STAB1: variants seen among roughly 807,000 people sequenced by gnomAD.
STAB1 encodes stabilin-1.
A neutral mutation model predicts 332.4 loss-of-function variants in STAB1; 250 were observed. The observed-to-expected ratio is 0.75, with a 90% CI of 0.68 to 0.84. The LOEUF is 0.84. Ranked by LOEUF, STAB1 falls within the 40% of genes least tolerant of loss-of-function variation. The pLI, the probability that STAB1 is intolerant of heterozygous loss-of-function variation, is 0.00. For missense variants in STAB1, 3,249 were observed against 3,489.7 expected, an observed-to-expected ratio of 0.93 and a Z score of 1.74; for synonymous variants, 1,475 against 1,390.4, an observed-to-expected ratio of 1.06 and a Z score of -1.35.
intron 44 of STAB1, 110 bp from the exon 45 acceptor site, chr3:52,517,771 A>G: frequency 6.3e-7 from 1 of 1,582,836 alleles, no homozygotes; most frequent in South Asian, 1.1e-5. Flanking sequence ...TCAGTAGCAA[A>G]TAGGATCTGG....
rs745558002 is a variant in STAB1 at position 52,514,213 on chromosome 3, G to A, written c.3546G>A (p.Leu1182=). ...AGGCCCAGGGCAACAGCAGTCACCTGGTGAGGCCGTGGGGATGGGGCAATG... is the reference window on the plus strand; with the variant it reads ...AGGCCCAGGGCAACAGCAGTCACCTAGTGAGGCCGTGGGGATGGGGCAATG... ...SLEAQGNSSH[L]DADTVRHHVV... Residue 1182 remains leucine (L), a splice_region_variant and synonymous_variant, in exon 33 of 69, where the codon CTG becomes CTA. Coordinates refer to ENST00000321725, the MANE Select transcript of STAB1 (RefSeq NM_015136.3). 8.1e-6 allele frequency: 13 copies of A among 1,613,074 alleles called. No homozygotes were observed. Among genetic ancestry groups the A allele is most frequent in the Non-Finnish European group, 1.0e-5 (12 of 1,179,942 alleles).
Position 52,513,204 on chromosome 3 carries a change from AC to A in STAB1, c.3237del (p.Thr1080ProfsTer150). 1 of 1,585,402 alleles carries A rather than the reference AC, an allele frequency of 6.3e-7. No individual in the cohort carries two copies. ...GGTGGGCAGGAAGTGGCCACCCTGA[AC>A]CCCACCACACGCTGGGAGATTCGCA... The part of the protein sequence containing the change: ...RLGGQEVATL[N>X]PTTRWEIRNI... On this transcript the variant is annotated frameshift_variant, in exon 30 of 69. Transcript: ENST00000321725. LOFTEE classifies it high-confidence loss of function.
In STAB1 at chr3:52,522,148, G is replaced by A. The variant is rs764065108; in HGVS notation, c.6383G>A (p.Trp2128Ter). ...TCLPDYEGDGWSCRARNPCTD... is the reference protein window; with the variant it reads ...TCLPDYEGDG ...CTGCCCGACTACGAGGGTGATGGCT[G>A]GAGCTGCCGGGCCCGCAACCCCTGC... Residue 2128 changes from tryptophan (W) to a stop codon, truncating the protein, a stop_gained, in exon 59 of 69, where the codon TGG becomes TAG. Coordinates refer to ENST00000321725, the MANE Select transcript of STAB1 (RefSeq NM_015136.3). LOFTEE classifies it high-confidence loss of function. 1 of 1,612,944 alleles carries A rather than the reference G, an allele frequency of 6.2e-7. No homozygotes were observed. Among genetic ancestry groups the A allele is most frequent in the Non-Finnish European group, 8.5e-7 (1 of 1,180,002 alleles).
At chr3:52,519,880 C>CA in intron 50 of STAB1, 64 bp from the exon 51 acceptor site, 1 of 1,506,662 alleles carries the variant, frequency 6.6e-7, no homozygotes. Flanking sequence ...GGCACAGCCC[C>CA]CTGCCTTTGC....
intron 3 of STAB1, 21 bp downstream of exon 3, chr3:52,501,774 C>G (rs1442505371): frequency 1.3e-6 from 2 of 1,546,554 alleles, no homozygotes; most frequent in African/African-American, 2.7e-5. Context: ...AAGGGGGACC[C>G]CGCCTTGCGC....
At chr3:52,504,610 C>T (rs1708708606) in intron 11 of STAB1, 61 bp downstream of exon 11, 2 of 1,611,770 alleles carry the variant, frequency 1.2e-6, no homozygotes, top group Non-Finnish European at 1.7e-6. Flanking sequence ...TGGATGCATC[C>T]CCAGTCTTCA....
chr3:52,517,263 A>G (rs896111495), intron 42 of STAB1, 57 bp from the exon 43 acceptor site: 1 of 1,498,224 alleles, frequency 6.7e-7, no homozygotes, highest in African/African-American at 1.4e-5. Flanking sequence ...GGTACAAAGG[A>G]CAGAGGAAGG....
intron 27 of STAB1, 57 bp downstream of exon 27, chr3:52,512,493 C>G: frequency 6.2e-7 from 1 of 1,611,398 alleles, no homozygotes; most frequent in South Asian, 1.1e-5. Context: ...GGAGCCCTCT[C>G]CAGCACCTCA....
At chr3:52,508,180 G>A (rs967889305) in intron 20 of STAB1, 93 bp from the exon 21 acceptor site, 36 of 1,397,592 alleles carry the variant, frequency 2.6e-5, no homozygotes, top group African/African-American at 1.9e-4. Context: ...TATCCACTCC[G>A]TCACTCTGGA....
intron 68 of STAB1, 30 bp downstream of exon 68, chr3:52,524,243 A>G (rs1272380154): frequency 6.2e-7 from 1 of 1,613,884 alleles, no homozygotes; most frequent in African/African-American, 1.3e-5. Flanking sequence ...AGTGTGGCAG[A>G]TGTGGGATGG....
intron 14 of STAB1, 24 bp from the exon 15 acceptor site, chr3:52,505,643 CT>C (rs899423650): frequency 6.2e-7 from 1 of 1,609,786 alleles, no homozygotes; most frequent in African/African-American, 1.3e-5. Context: ...ATGCAACCCC[CT>C]GAGCCTCCCT....
In STAB1 at chr3:52,512,767, G is replaced by C; in HGVS notation, c.3028-61G>C. 3 of 1,606,244 alleles carry C rather than the reference G, an allele frequency of 1.9e-6. No individual in the cohort carries two copies. In the South Asian group the frequency reaches 3.3e-5, roughly 18 times the overall value. On this transcript the variant is annotated intron_variant, in intron 28 of 68. Coordinates refer to ENST00000321725, the MANE Select transcript of STAB1 (RefSeq NM_015136.3). ...GGCAGGGCTGGAGCCTAGAGCAGGG[G>C]ATCTGAAGATGATGGCTGCCTTCCT...
intron 14 of STAB1, 118 bp downstream of exon 14, chr3:52,505,499 C>T: frequency 8.1e-7 from 1 of 1,240,766 alleles, no homozygotes; most frequent in Non-Finnish European, 1.1e-6. Flanking sequence ...GGCCTCTGCC[C>T]ATGCCCCCGT....
intron 22 of STAB1, 43 bp downstream of exon 22, chr3:52,509,364 G>A (rs372764606): frequency 4.5e-5 from 71 of 1,573,076 alleles, no homozygotes; most frequent in South Asian, 1.6e-4. Context: ...GAGAAAAAAC[G>A]TCTGCCTAAA....
intron 1 of STAB1, among the ~76,000 whole-genome samples, chr3:52,497,846 C>T (rs979518825): frequency 1.3e-5 from 2 of 152,086 alleles, no homozygotes; most frequent in Admixed American, 6.5e-5. Flanking sequence ...AAGGATATCC[C>T]GGGTAACCTG....
At position 52,521,461 on chromosome 3, in the gene STAB1, G is replaced by A. The variant is rs1419187731; in HGVS notation, c.6009G>A (p.Gly2003=). Residue 2003 remains glycine, a synonymous_variant, in exon 56 of 69, where the codon GGG becomes GGA. Coordinates refer to ENST00000321725, the MANE Select transcript of STAB1 (RefSeq NM_015136.3). ...GQCLCRSGFA[G]TACELCAPGA... is the part of the protein sequence containing the mutation. ...GTCTGTGCCGTTCAGGTTTTGCTGG[G>A]ACAGCCTGTGAACTCTGTGCTCCTG... 2.5e-6 allele frequency: 4 copies of A among 1,613,926 alleles called. No homozygotes were observed. Among genetic ancestry groups the A allele is most frequent in the Non-Finnish European group, 3.4e-6 (4 of 1,180,034 alleles).
At chr3:52,517,787 T>C (rs1053462759) in intron 44 of STAB1, 94 bp from the exon 45 acceptor site, 11 of 1,592,646 alleles carry the variant, frequency 6.9e-6, no homozygotes, top group Non-Finnish European at 9.4e-6. Flanking sequence ...TCTGGGGGGC[T>C]GAGCAGGGGC....
intron 1 of STAB1, among the ~76,000 whole-genome samples, chr3:52,497,272 G>C (rs994452976): frequency 3.3e-5 from 5 of 152,092 alleles, no homozygotes; most frequent in Non-Finnish European, 7.4e-5. Flanking sequence ...TTACAGGTGT[G>C]AGCCACCGTG....
chr3:52,506,234 T>G lies in STAB1; in HGVS notation c.1814T>G (p.Val605Gly), dbSNP rs1559682407. Residue 605 changes from valine to glycine, a missense_variant, in exon 17 of 69, where the codon GTG becomes GGG. Physicochemically the swap from Val to Gly is moderately radical, Grantham distance 109. Transcript: ENST00000321725. ...ACCATGGCGAACCAGGTCCTGGCTG[T>G]GAACATTTCTGAGGAGGTGAGGTGC... ...ILTMANQVLA[V>G]NISEEGRILL... 8 of 1,612,348 alleles carry G rather than the reference T, an allele frequency of 5.0e-6. No individual in the cohort carries two copies. Among genetic ancestry groups the G allele is most frequent in the Non-Finnish European group, 6.8e-6 (8 of 1,179,420 alleles).
Sources: gnomAD v4.1 joint callset for allele counts (sites outside exome capture counted in the v4.1 genomes callset) on GRCh38, gnomAD v4.1.1 for gene constraint, MANE v1.5 for transcripts, NCBI Gene and HGNC (gene_info 2026-07-23, HGNC 2026-07-21) for gene names.